The following PIK3R1 variants were observed in gnomAD, a reference collection of about 807,000 sequenced individuals.
The protein encoded by PIK3R1 is phosphatidylinositol 3-kinase regulatory subunit alpha.
In PIK3R1, 29 loss-of-function variants were observed where a neutral mutation model predicts 98.0. That is an observed-to-expected ratio of 0.30 (90% CI 0.22 to 0.40). PIK3R1 has a LOEUF of 0.40. PIK3R1 is among the 10% of genes least tolerant of loss of function. The pLI is 1.00. For missense variants in PIK3R1, 596 were observed against 872.7 expected (o/e 0.68, Z 3.99); for synonymous variants, 282 against 311.8 (o/e 0.90, Z 1.01).
chr5:68,281,835 G>C (rs1015491916), intron 7 of PIK3R1, among the ~76,000 whole-genome samples: 1 of 152,154 alleles, frequency 6.6e-6, no homozygotes, highest in African/African-American at 2.4e-5. Flanking sequence ...GTATGAGCAG[G>C]CATGGGGACT....
chr5:68,231,098 A>AT (rs1254227957), intron 2 of PIK3R1, among the ~76,000 whole-genome samples: 1 of 152,194 alleles, frequency 6.6e-6, no homozygotes, highest in Non-Finnish European at 1.5e-5. Context: ...GGATATGGGA[A>AT]TAAAAATATA....
chr5:68,289,763 A>C (rs1391071349), intron 7 of PIK3R1, among the ~76,000 whole-genome samples: 1 of 116,812 alleles, frequency 8.6e-6, no homozygotes, highest in East Asian at 3.1e-4. Context: ...GAAAAGCAAA[A>C]AAAAAAAAAA....
chr5:68,275,214 G>GCTGCT (rs1746523204), intron 4 of PIK3R1, among the ~76,000 whole-genome samples: 1 of 152,134 alleles, frequency 6.6e-6, no homozygotes, highest in Non-Finnish European at 1.5e-5. Context: ...TATCCTCTTT[G>GCTGCT]CTGCTCTGCC....
chr5:68,288,528 C>CAAGCG, intron 7 of PIK3R1: 1 of 1,366,480 alleles, frequency 7.3e-7, no homozygotes, highest in Non-Finnish European at 9.4e-7. Context: ...CGAGCCGAGC[C>CAAGCG]AAGCGGAGCT....
chr5:68,256,369 A>G (rs1745514606), intron 2 of PIK3R1, among the ~76,000 whole-genome samples: 1 of 152,148 alleles, frequency 6.6e-6, no homozygotes, highest in South Asian at 2.1e-4. Context: ...AGCTGGGACT[A>G]CAGGTGCCCG....
intron 7 of PIK3R1, 25 bp downstream of exon 7, chr5:68,281,031 TTCTC>T (rs1220764983): frequency 1.3e-6 from 2 of 1,492,896 alleles, no homozygotes; most frequent in Admixed American, 1.9e-5. Flanking sequence ...GCATTTAACA[TTCTC>T]TCATTGTTCA....
At chr5:68,217,653 T>TGTGCGCGCGC (rs1386976488) in intron 1 of PIK3R1, 8 of 149,396 alleles carry the variant, frequency 5.4e-5, no homozygotes, top group African/African-American at 1.5e-4. Flanking sequence ...TGTGTGTGTG[T>TGTGCGCGCGC]GCGCGCGCGT....
At chr5:68,296,072 C>G in intron 14 of PIK3R1, 99 bp from the exon 15 acceptor site, 1 of 1,167,386 alleles carries the variant, frequency 8.6e-7, no homozygotes, top group African/African-American at 1.5e-5. Flanking sequence ...TTGGTAGGGG[C>G]CAGGAGGGAA....
chr5:68,277,112 A>T (rs1342730424), intron 4 of PIK3R1, among the ~76,000 whole-genome samples: 1 of 152,230 alleles, frequency 6.6e-6, no homozygotes, highest in Non-Finnish European at 1.5e-5. Flanking sequence ...CAAATGTTTT[A>T]TCACATATTT....
chr5:68,299,755 A>G lies in PIK3R1; in HGVS notation c.*2154A>G, dbSNP rs1005813247. On this transcript the variant is annotated 3_prime_UTR_variant, in exon 16 of 16. Transcript: ENST00000521381. ...AGAATCAGTCTTGCAGCTGAGTGAA[A>G]AATCTGTGGAATGTATTATTTGTCC... The G allele has an allele frequency of 4.3e-6, 1 of 233,032 alleles. No individual in the cohort carries two copies. The highest frequency in any genetic ancestry group is 5.6e-5 in the Admixed American group (1 of 17,776). The allele number at this position is 233,032 out of a possible 1,614,324, so 14.4% of individuals were successfully genotyped here.
intron 2 of PIK3R1, chr5:68,239,792 C>A (rs935887834): frequency 2.1e-6 from 1 of 471,502 alleles, no homozygotes; most frequent in Non-Finnish European, 4.2e-6. Context: ...ACGTGTGATG[C>A]GGTCTGATAT....
chr5:68,284,248 C>T (rs1407345088), intron 7 of PIK3R1, among the ~76,000 whole-genome samples: 1 of 152,210 alleles, frequency 6.6e-6, no homozygotes, highest in African/African-American at 2.4e-5. Context: ...AGGTCTGATT[C>T]CTTCAGTCCA....
At position 68,297,798 on chromosome 5, in the gene PIK3R1, T is replaced by C. The variant is rs1415040963; in HGVS notation, c.*197T>C. 1.1e-5 allele frequency: 5 copies of C among 463,226 alleles called. No individual in the cohort carries two copies. Among genetic ancestry groups the C allele is most frequent in the Non-Finnish European group, 1.9e-5 (5 of 263,190 alleles). The allele number at this position is 463,226 out of a possible 1,614,324, so 28.7% of individuals were successfully genotyped here. A position where few individuals can be genotyped will look rare whatever the true frequency, so the allele number is the denominator to read the frequency against. On this transcript the variant is annotated 3_prime_UTR_variant, in exon 16 of 16. Transcript: ENST00000521381. ...CCTAAGGCTGTATGATGACCACACG[T>C]TCCTAAGCTGGAGTGCTTATCCCTT...
chr5:68,257,352 G>A (rs1213158935), intron 2 of PIK3R1, among the ~76,000 whole-genome samples: 1 of 152,196 alleles, frequency 6.6e-6, no homozygotes, highest in Non-Finnish European at 1.5e-5. Context: ...GGTAATTACA[G>A]TTTAATGCTG....
chr5:68,295,205 A>G lies in PIK3R1; in HGVS notation c.1626A>G (p.Arg542=). 6.2e-7 allele frequency: 1 copy of G among 1,613,986 alleles called. No homozygotes were observed. The highest frequency in any genetic ancestry group is 8.5e-7 in the Non-Finnish European group (1 of 1,179,840). Residue 542 remains arginine, a synonymous_variant, in exon 13 of 16, where the codon AGA becomes AGG. Coordinates refer to ENST00000521381, the MANE Select transcript of PIK3R1 (RefSeq NM_181523.3). The part of the protein sequence containing the change: ...KSRISEIIDS[R]RRLEEDLKKQ... ...GAATCAGTGAAATTATTGACAGTAG[A>G]AGAAGATTGGAAGAAGACTTGAAGA...
At chr5:68,293,279 T>C in intron 9 of PIK3R1, 24 bp from the exon 10 acceptor site, 3 of 1,601,060 alleles carry the variant, frequency 1.9e-6, no homozygotes, top group Non-Finnish European at 1.7e-6. Flanking sequence ...TGTTAATACC[T>C]TTATTTTTAT....
In PIK3R1 at chr5:68,289,729, A is replaced by AGT. The variant is rs573364171; in HGVS notation, c.917-2528_917-2527dup. The stretch of plus-strand genomic sequence containing the variant: ...TGCTAAGAAGGAATATTTGTCCCGG[A>AGT]GTGAGGCATTTGAGATAGAGGGGGA... On this transcript the variant is annotated intron_variant, in intron 7 of 15. Transcript: ENST00000521381. Among the ~76,000 whole-genome samples the AGT allele has an allele frequency of 2.4e-3, 309 of 126,926 alleles. 3 individuals carry two copies. The highest frequency in any genetic ancestry group is 9.1e-3 in the African/African-American group (303 of 33,426). 83.3% of individuals were successfully genotyped at this position (126,926 alleles called of 152,430 possible).
intron 2 of PIK3R1, among the ~76,000 whole-genome samples, chr5:68,250,161 C>A (rs1745248243): frequency 6.6e-6 from 1 of 152,214 alleles, no homozygotes; most frequent in Non-Finnish European, 1.5e-5. Context: ...ACTTGCTCCT[C>A]TCCAGCTCAC....
intron 2 of PIK3R1, among the ~76,000 whole-genome samples, chr5:68,235,866 C>T (rs944737237): frequency 2.7e-5 from 4 of 146,692 alleles, no homozygotes; most frequent in Admixed American, 6.8e-5. Context: ...AATTATTCTG[C>T]CAGGCATTTT....
Sources: gnomAD v4.1 joint callset for allele counts (sites outside exome capture counted in the v4.1 genomes callset) on GRCh38, gnomAD v4.1.1 for gene constraint, MANE v1.5 for transcripts, NCBI Gene and HGNC (gene_info 2026-07-23, HGNC 2026-07-21) for gene names.